Variants in KCNQ5 observed in about 807,000 individuals in gnomAD.
KCNQ5 encodes potassium voltage-gated channel subfamily Q member 5.
KCNQ5 carries 30 observed loss-of-function variants against 98.2 expected under a neutral mutation model. That is an observed-to-expected ratio of 0.31 (90% CI 0.23 to 0.41). The LOEUF (loss-of-function observed/expected upper bound fraction) is 0.41, where lower values mean the gene tolerates loss of function less well. Among genes scored for constraint, KCNQ5 ranks in the 10% least tolerant of loss-of-function variants. KCNQ5 has a pLI of 1.00. For missense variants in KCNQ5, 835 were observed against 1,182.5 expected (o/e 0.71, Z 4.31); for synonymous variants, 458 against 449.4 (o/e 1.02, Z -0.24).
intron 1 of KCNQ5, among the ~76,000 whole-genome samples, chr6:72,758,734 AT>A (rs1404577459): frequency 6.6e-6 from 1 of 152,172 alleles, no homozygotes; most frequent in Non-Finnish European, 1.5e-5. Context: ...GAATACACTC[AT>A]TTATTTAGAC....
intron 2 of KCNQ5, among the ~76,000 whole-genome samples, chr6:73,009,296 C>T (rs1285838696): frequency 6.6e-6 from 1 of 151,970 alleles, no homozygotes; most frequent in Non-Finnish European, 1.5e-5. Flanking sequence ...CCAGCCTAAA[C>T]AGCATACTTT....
At chr6:72,910,790 T>C (rs1030044599) in intron 1 of KCNQ5, among the ~76,000 whole-genome samples, 6 of 152,064 alleles carry the variant, frequency 3.9e-5, no homozygotes, top group Non-Finnish European at 8.8e-5. Flanking sequence ...AATTTATATA[T>C]AAAGAGGGAA....
chr6:72,853,141 TC>T (rs1468438886), intron 1 of KCNQ5, among the ~76,000 whole-genome samples: 1 of 152,174 alleles, frequency 6.6e-6, no homozygotes, highest in Non-Finnish European at 1.5e-5. Flanking sequence ...TATCCCTCCC[TC>T]CTGATAGACT....
At chr6:73,187,244 A>G (rs1268391090) in intron 11 of KCNQ5, among the ~76,000 whole-genome samples, 1 of 151,958 alleles carries the variant, frequency 6.6e-6, no homozygotes, top group Non-Finnish European at 1.5e-5. Flanking sequence ...TATTTTTAGT[A>G]GAGATGGGGT....
chr6:73,029,343 T>C (rs920310565), intron 2 of KCNQ5, among the ~76,000 whole-genome samples: 1 of 152,154 alleles, frequency 6.6e-6, no homozygotes, highest in Non-Finnish European at 1.5e-5. Flanking sequence ...CTCCCATGAA[T>C]TCCTGGATTC....
chr6:72,870,138 G>A (rs1435699151), intron 1 of KCNQ5, among the ~76,000 whole-genome samples: 3 of 152,084 alleles, frequency 2.0e-5, no homozygotes, highest in African/African-American at 7.2e-5. Context: ...TAGAATCATG[G>A]TATAATTATT....
intron 2 of KCNQ5, among the ~76,000 whole-genome samples, chr6:73,037,738 T>A (rs1407847436): frequency 6.6e-6 from 1 of 152,182 alleles, no homozygotes; most frequent in Non-Finnish European, 1.5e-5. Context: ...TCCATATGTC[T>A]ATCCCTCCAC....
chr6:72,810,630 C>G (rs533089993), intron 1 of KCNQ5, among the ~76,000 whole-genome samples: 1 of 152,180 alleles, frequency 6.6e-6, no homozygotes, highest in Non-Finnish European at 1.5e-5. Context: ...CTTCCAGCTA[C>G]TATAATGTTA....
intron 6 of KCNQ5, among the ~76,000 whole-genome samples, chr6:73,109,255 A>T (rs1387991501): frequency 6.6e-6 from 1 of 152,252 alleles, no homozygotes; most frequent in Non-Finnish European, 1.5e-5. Flanking sequence ...TGTTTGGCAG[A>T]TGATAAATTT....
At chr6:72,902,407 C>T (rs1193723691) in intron 1 of KCNQ5, among the ~76,000 whole-genome samples, 2 of 152,154 alleles carry the variant, frequency 1.3e-5, no homozygotes, top group Non-Finnish European at 2.9e-5. Flanking sequence ...AGTGGGCATC[C>T]TTGTCTTGTT....
In KCNQ5 at chr6:72,694,308, C is replaced by T. The variant is rs117565645; in HGVS notation, c.398+71721C>T. On this transcript the variant is annotated intron_variant, in intron 1 of 13. Transcript: ENST00000370398. ...AAAGTTGTGCCCCCCTGTGGCTGGG[C>T]AGGAAGACTTGGTCTGCAGATAAAC... 5.7e-3 allele frequency among the ~76,000 whole-genome samples: 867 copies of T among 152,240 alleles called. 8 individuals carry two copies. The highest frequency in any genetic ancestry group is 8.7e-3 in the Non-Finnish European group (591 of 68,006).
At chr6:72,983,131 A>G (rs1343421903) in intron 1 of KCNQ5, among the ~76,000 whole-genome samples, 3 of 152,184 alleles carry the variant, frequency 2.0e-5, no homozygotes, top group South Asian at 2.1e-4. Context: ...ACCTTGGTGA[A>G]TCTGACAATT....
At chr6:73,191,063 T>A (rs527472005) in intron 12 of KCNQ5, among the ~76,000 whole-genome samples, 1 of 152,372 alleles carries the variant, frequency 6.6e-6, no homozygotes, top group South Asian at 2.1e-4. Flanking sequence ...GAATTATTAC[T>A]GCTGCTGATC....
intron 1 of KCNQ5, among the ~76,000 whole-genome samples, chr6:72,726,877 T>C (rs911950163): frequency 6.6e-6 from 1 of 152,214 alleles, no homozygotes; most frequent in Non-Finnish European, 1.5e-5. Flanking sequence ...GGTCTCACTG[T>C]GTCACCCAGG....
intron 1 of KCNQ5, among the ~76,000 whole-genome samples, chr6:72,863,144 G>A (rs1443261421): frequency 6.6e-6 from 1 of 152,112 alleles, no homozygotes; most frequent in Non-Finnish European, 1.5e-5. Context: ...TCAGCAACAG[G>A]TGTGCCTTAA....
intron 1 of KCNQ5, among the ~76,000 whole-genome samples, chr6:72,969,496 G>C (rs1767770922): frequency 6.6e-6 from 1 of 152,120 alleles, no homozygotes; most frequent in South Asian, 2.1e-4. Context: ...CCCCTAGGTA[G>C]AGTTTTCCAA....
chr6:72,664,839 C>A (rs1385900894), intron 1 of KCNQ5, among the ~76,000 whole-genome samples: 1 of 151,978 alleles, frequency 6.6e-6, no homozygotes, highest in Non-Finnish European at 1.5e-5. Context: ...TAAATAAATA[C>A]AAAAGAAATA....
chr6:73,117,768 C>A (rs1239043252), intron 7 of KCNQ5, among the ~76,000 whole-genome samples: 3 of 152,232 alleles, frequency 2.0e-5, no homozygotes, highest in Non-Finnish European at 4.4e-5. Flanking sequence ...ATCACTACTA[C>A]AGAAGAAGCT....
chr6:72,722,468 C>A (rs559163491), intron 1 of KCNQ5, among the ~76,000 whole-genome samples: 21 of 152,296 alleles, frequency 1.4e-4, no homozygotes, highest in Admixed American at 5.2e-4. Context: ...AATCAGAACA[C>A]CCAGGTTTAA....
Sources: allele counts gnomAD v4.1 joint callset (sites outside exome capture counted in the v4.1 genomes callset), GRCh38; gene constraint gnomAD v4.1.1; transcripts MANE v1.5; gene names NCBI Gene and HGNC (gene_info 2026-07-23, HGNC 2026-07-21).